WWOX: variants seen among roughly 807,000 people sequenced by gnomAD.
WWOX encodes the protein WW domain containing oxidoreductase.
A neutral mutation model predicts 46.2 loss-of-function variants in WWOX; 69 were observed. The observed-to-expected ratio is 1.49, with a 90% confidence interval of 1.23 to 1.82. WWOX has a LOEUF of 1.82. WWOX is among the 40% of genes most tolerant of loss of function. The pLI is 0.00. For missense variants in WWOX, 919 were observed against 542.6 expected (o/e 1.69, Z -6.89); for synonymous variants, 359 against 202.6 (o/e 1.77, Z -6.56).
intron 8 of WWOX, among the ~76,000 whole-genome samples, chr16:78,513,317 A>G (rs1349037573): frequency 1.3e-5 from 2 of 152,200 alleles, no homozygotes; most frequent in Admixed American, 6.5e-5. Flanking sequence ...AATATTCTCA[A>G]GAGAGGGTAT....
chr16:78,495,974 G>A (rs1359882430), intron 8 of WWOX: 2 of 152,156 alleles, frequency 1.3e-5, no homozygotes, highest in African/African-American at 4.8e-5. Flanking sequence ...ATCTTTAAAC[G>A]GATAACCACA....
At chr16:78,295,500 T>C (rs2079930379) in intron 5 of WWOX, among the ~76,000 whole-genome samples, 1 of 152,112 alleles carries the variant, frequency 6.6e-6, no homozygotes. Flanking sequence ...TCACCTGAAG[T>C]CAGGAGTTCA....
At chr16:78,407,782 T>A (rs1396318738) in intron 6 of WWOX, among the ~76,000 whole-genome samples, 1 of 152,184 alleles carries the variant, frequency 6.6e-6, no homozygotes, top group Non-Finnish European at 1.5e-5. Flanking sequence ...ATAGCATTGA[T>A]TCAAACGTAT....
At chr16:78,716,796 G>T (rs777147582) in intron 8 of WWOX, among the ~76,000 whole-genome samples, 1 of 152,142 alleles carries the variant, frequency 6.6e-6, no homozygotes, top group East Asian at 1.9e-4. Flanking sequence ...ACGTGGCCCA[G>T]CATTGTCTTG....
intron 8 of WWOX, among the ~76,000 whole-genome samples, chr16:78,977,272 G>A (rs914843715): frequency 1.3e-5 from 2 of 152,212 alleles, no homozygotes; most frequent in Admixed American, 6.5e-5. Context: ...TGTCAGAGAG[G>A]TTCGAGCTCT....
intron 8 of WWOX, among the ~76,000 whole-genome samples, chr16:78,582,976 T>A (rs2045100006): frequency 6.6e-6 from 1 of 152,206 alleles, no homozygotes; most frequent in African/African-American, 2.4e-5. Flanking sequence ...AGAGTGCATG[T>A]TGTCAAATGC....
intron 8 of WWOX, among the ~76,000 whole-genome samples, chr16:78,698,771 A>G (rs751708937): frequency 1.2e-4 from 19 of 152,252 alleles, no homozygotes; most frequent in Non-Finnish European, 2.4e-4. Flanking sequence ...AGGCCTGGAG[A>G]TCAAGGCTGC....
At chr16:78,945,647 T>A (rs2045934636) in intron 8 of WWOX, among the ~76,000 whole-genome samples, 1 of 79,626 alleles carries the variant, frequency 1.3e-5, no homozygotes, top group South Asian at 4.8e-4. Context: ...TTCTAAGGAT[T>A]TTTTTTTAAG....
At chr16:78,450,012 T>C (rs1227627273) in intron 8 of WWOX, among the ~76,000 whole-genome samples, 1 of 151,428 alleles carries the variant, frequency 6.6e-6, no homozygotes, top group Non-Finnish European at 1.5e-5. Context: ...GTTATGATTT[T>C]TTTTAAGCAG....
intron 8 of WWOX, among the ~76,000 whole-genome samples, chr16:78,548,179 T>A (rs201212282): frequency 0.059 from 7,049 of 119,276 alleles, 1,071 homozygotes; most frequent in African/African-American, 0.089. Flanking sequence ...AAAAAAAAAA[T>A]TACGAATTTT....
At chr16:78,677,226 C>T (rs904829596) in intron 8 of WWOX, among the ~76,000 whole-genome samples, 2 of 152,080 alleles carry the variant, frequency 1.3e-5, no homozygotes, top group Non-Finnish European at 2.9e-5. Flanking sequence ...CTGAATTATA[C>T]CCGGCCTCAG....
chr16:78,468,259 CCTTT>C (rs1254975106), intron 8 of WWOX, among the ~76,000 whole-genome samples: 1 of 148,988 alleles, frequency 6.7e-6, no homozygotes, highest in African/African-American at 2.6e-5. Context: ...TTCTAGGCTG[CCTTT>C]CTTTTTTTTT....
chr16:78,798,872 C>T (rs1209179200), intron 8 of WWOX, among the ~76,000 whole-genome samples: 2 of 152,114 alleles, frequency 1.3e-5, no homozygotes, highest in African/African-American at 2.4e-5. Flanking sequence ...ACAGATTAGG[C>T]AGTGTCCTTT....
At chr16:78,101,454 C>T (rs1003911343) in intron 1 of WWOX, among the ~76,000 whole-genome samples, 1 of 150,522 alleles carries the variant, frequency 6.6e-6, no homozygotes, top group East Asian at 2.0e-4. Context: ...TCAAGCGATT[C>T]TCGTGTCTCA....
intron 5 of WWOX, among the ~76,000 whole-genome samples, chr16:78,362,834 C>G (rs527766646): frequency 1.3e-5 from 2 of 152,264 alleles, no homozygotes; most frequent in South Asian, 2.1e-4. Context: ...GAAGGAGATA[C>G]TAGTATTTTG....
chr16:78,146,523 G>A (rs2034204448), intron 4 of WWOX, among the ~76,000 whole-genome samples: 1 of 152,088 alleles, frequency 6.6e-6, no homozygotes, highest in Non-Finnish European at 1.5e-5. Flanking sequence ...ACAAGCAGGT[G>A]CCTGATCACA....
At chr16:79,173,752 C>G (rs2050746602) in intron 8 of WWOX, among the ~76,000 whole-genome samples, 1 of 151,750 alleles carries the variant, frequency 6.6e-6, no homozygotes, top group Non-Finnish European at 1.5e-5. Flanking sequence ...TAGGTAGCCA[C>G]TAAAATAAAA....
chr16:79,136,421 G>A (rs1318827532), intron 8 of WWOX, among the ~76,000 whole-genome samples: 2 of 151,926 alleles, frequency 1.3e-5, no homozygotes, highest in Non-Finnish European at 1.5e-5. Flanking sequence ...AGTAGAGACG[G>A]GATTTTACCA....
intron 8 of WWOX, among the ~76,000 whole-genome samples, chr16:79,011,860 T>C (rs984701623): frequency 3.3e-5 from 5 of 152,032 alleles, no homozygotes. Context: ...CACTATGTTC[T>C]TCAGGCTAGT....
Sources: gnomAD v4.1 joint callset for allele counts (sites outside exome capture counted in the v4.1 genomes callset) on GRCh38, gnomAD v4.1.1 for gene constraint, MANE v1.5 for transcripts, NCBI Gene and HGNC (gene_info 2026-07-23, HGNC 2026-07-21) for gene names.